The following FHIT variants were observed in gnomAD, a reference collection of about 807,000 sequenced individuals.
FHIT encodes fragile histidine triad diadenosine triphosphatase.
Under a neutral mutation model 17.9 loss-of-function variants are expected in FHIT, and 19 were observed. The observed-to-expected ratio is 1.06, with a 90% CI of 0.74 to 1.56. The LOEUF (loss-of-function observed/expected upper bound fraction) is 1.56, where lower values mean the gene tolerates loss of function less well. FHIT is among the 40% of genes most tolerant of loss of function. FHIT has a pLI of 0.00. For missense variants in FHIT, 248 were observed against 189.2 expected (o/e 1.31, Z -1.82); for synonymous variants, 81 against 69.7 (o/e 1.16, Z -0.81).
intron 5 of FHIT, among the ~76,000 whole-genome samples, chr3:60,037,110 G>A (rs1701249075): frequency 6.6e-6 from 1 of 152,186 alleles, no homozygotes; most frequent in Admixed American, 6.5e-5. Context: ...TCATTAACAA[G>A]AGCTAACAAC....
At chr3:60,744,270 A>AAAAAAAC (rs2042307680) in intron 4 of FHIT, among the ~76,000 whole-genome samples, 1,161 of 22,230 alleles carry the variant, frequency 0.052, 21 homozygotes, top group African/African-American at 0.11. Context: ...AAACAAAACA[A>AAAAAAAC]AAAAAAAAAA....
chr3:60,196,880 A>G (rs572511873), intron 5 of FHIT, among the ~76,000 whole-genome samples: 1 of 152,110 alleles, frequency 6.6e-6, no homozygotes, highest in Non-Finnish European at 1.5e-5. Flanking sequence ...ATACTTTGCT[A>G]TGCTTTTGTG....
intron 5 of FHIT, among the ~76,000 whole-genome samples, chr3:60,019,415 C>CTTTTTTTTTTTTTTTTTTTT (rs1281567026): frequency 1.4e-4 from 17 of 121,092 alleles, no homozygotes; most frequent in South Asian, 6.1e-4. Context: ...TGAGATGCTC[C>CTTTTTTTTTTTTTTTTTTTT]TTTTTTTTTT....
intron 5 of FHIT, among the ~76,000 whole-genome samples, chr3:60,466,378 G>T (rs966590244): frequency 6.6e-6 from 1 of 151,922 alleles, no homozygotes. Context: ...TCTTTCTCTT[G>T]TCTGATTTCT....
intron 2 of FHIT, among the ~76,000 whole-genome samples, chr3:61,186,275 C>T (rs2038505925): frequency 2.0e-5 from 3 of 152,304 alleles, no homozygotes; most frequent in Middle Eastern, 3.4e-3. Flanking sequence ...GCCCTGTACT[C>T]CACTTACCCA....
chr3:59,889,277 A>G (rs1703751005), intron 8 of FHIT, among the ~76,000 whole-genome samples: 1 of 152,222 alleles, frequency 6.6e-6, no homozygotes, highest in African/African-American at 2.4e-5. Context: ...TTTCTAATTC[A>G]TACTGTCTGA....
chr3:60,312,772 A>C (rs992536271), intron 5 of FHIT, among the ~76,000 whole-genome samples: 11 of 152,218 alleles, frequency 7.2e-5, no homozygotes, highest in Admixed American at 7.2e-4. Flanking sequence ...ATGTATATAC[A>C]TACGTATATA....
chr3:60,005,775 A>G (rs1699900373), intron 7 of FHIT, among the ~76,000 whole-genome samples: 1 of 152,202 alleles, frequency 6.6e-6, no homozygotes, highest in African/African-American at 2.4e-5. Flanking sequence ...TCCTATGGCA[A>G]ATCACATCTC....
At chr3:60,582,389 A>G (rs1553659972) in intron 4 of FHIT, among the ~76,000 whole-genome samples, 2 of 152,120 alleles carry the variant, frequency 1.3e-5, no homozygotes, top group African/African-American at 2.4e-5. Context: ...CTTAAATTTC[A>G]TAAGTAAGTC....
chr3:59,808,760 C>T (rs186126984), intron 8 of FHIT, among the ~76,000 whole-genome samples: 10 of 152,126 alleles, frequency 6.6e-5, no homozygotes, highest in Admixed American at 2.0e-4. Context: ...CCAATAGGCT[C>T]GGGGATAATC....
intron 2 of FHIT, among the ~76,000 whole-genome samples, chr3:61,062,969 G>A (rs1042888379): frequency 9.9e-5 from 15 of 152,134 alleles, no homozygotes; most frequent in African/African-American, 2.7e-4. Flanking sequence ...TCGTAGAGAT[G>A]TCATCATTTT....
At chr3:60,607,181 C>A (rs1237662272) in intron 4 of FHIT, among the ~76,000 whole-genome samples, 2 of 152,140 alleles carry the variant, frequency 1.3e-5, no homozygotes, top group African/African-American at 4.8e-5. Context: ...TTGATAACCA[C>A]ACCACTAAAG....
chr3:60,591,737 C>T (rs1157756915), intron 4 of FHIT, among the ~76,000 whole-genome samples: 6 of 151,970 alleles, frequency 3.9e-5, no homozygotes, highest in African/African-American at 7.2e-5. Flanking sequence ...TTAGTTTGTT[C>T]GTTCAAATAC....
At chr3:60,183,431 AAT>A (rs1702028519) in intron 5 of FHIT, among the ~76,000 whole-genome samples, 1 of 152,124 alleles carries the variant, frequency 6.6e-6, no homozygotes, top group Admixed American at 6.6e-5. Context: ...CAAACAAAAA[AAT>A]AAAAGTGGTA....
intron 5 of FHIT, among the ~76,000 whole-genome samples, chr3:60,247,969 C>A (rs183592057): frequency 5.3e-5 from 8 of 152,126 alleles, no homozygotes; most frequent in African/African-American, 1.7e-4. Flanking sequence ...GCACATGGAG[C>A]CTTCGAGGAG....
chr3:61,015,911 C>A (rs546083745), intron 3 of FHIT, among the ~76,000 whole-genome samples: 11 of 152,280 alleles, frequency 7.2e-5, no homozygotes, highest in African/African-American at 1.9e-4. Context: ...TTCAGAGGAA[C>A]TTTTTTTCTT....
intron 5 of FHIT, among the ~76,000 whole-genome samples, chr3:60,507,010 C>T (rs2034760275): frequency 6.6e-6 from 1 of 152,018 alleles, no homozygotes; most frequent in African/African-American, 2.4e-5. Flanking sequence ...ATATACTGCC[C>T]CTGCTCTCAT....
intron 5 of FHIT, among the ~76,000 whole-genome samples, chr3:60,274,050 T>G (rs1348167998): frequency 6.6e-6 from 1 of 152,220 alleles, no homozygotes; most frequent in African/African-American, 2.4e-5. Context: ...GTTCTAGTTC[T>G]TTCTCCTTAG....
chr3:59,962,249 C>A (rs993500171), intron 7 of FHIT, among the ~76,000 whole-genome samples: 3 of 152,220 alleles, frequency 2.0e-5, no homozygotes, highest in Non-Finnish European at 2.9e-5. Flanking sequence ...AATCAGCCTT[C>A]TGTTTTTGAG....
Sources: allele counts gnomAD v4.1 joint callset (sites outside exome capture counted in the v4.1 genomes callset), GRCh38; gene constraint gnomAD v4.1.1; transcripts MANE v1.5; gene names NCBI Gene and HGNC (gene_info 2026-07-23, HGNC 2026-07-21).